Variants in EFL1 observed in about 807,000 individuals in gnomAD.
EFL1 encodes elongation factor-like GTPase 1.
In EFL1, 76 loss-of-function variants were observed where a neutral mutation model predicts 126.7. The ratio of observed to expected loss-of-function variants is 0.60; its 90% CI spans 0.50 to 0.73. The LOEUF (loss-of-function observed/expected upper bound fraction) is 0.73, where lower values mean the gene tolerates loss of function less well. Ranked by LOEUF, EFL1 falls within the 30% of genes least tolerant of loss-of-function variation. The probability of loss-of-function intolerance (pLI) is 0.00; values close to 1 mark genes in which losing one functional copy is unlikely to be tolerated. For synonymous variants in EFL1, 410 were observed against 448.4 expected (o/e 0.91, Z 1.08); for missense variants, 1,128 against 1,343.2 (o/e 0.84, Z 2.50).
chr15:82,148,611 T>C (rs1043784563), intron 18 of EFL1, among the ~76,000 whole-genome samples: 5 of 152,090 alleles, frequency 3.3e-5, no homozygotes, highest in South Asian at 4.1e-4. Flanking sequence ...GTGGAACAAG[T>C]TGAAGTGGGA....
At chr15:82,252,004 C>T (rs1250235595) in intron 4 of EFL1, among the ~76,000 whole-genome samples, 2 of 152,132 alleles carry the variant, frequency 1.3e-5, no homozygotes, top group South Asian at 2.1e-4. Flanking sequence ...ATTTTTATTA[C>T]CTAAACACAT....
intron 15 of EFL1, among the ~76,000 whole-genome samples, chr15:82,165,658 C>G (rs1435639115): frequency 6.6e-6 from 1 of 152,226 alleles, no homozygotes; most frequent in Non-Finnish European, 1.5e-5. Context: ...TTCCCCATCT[C>G]CACACATCGT....
intron 15 of EFL1, chr15:82,174,323 G>A (rs2074170699): frequency 6.6e-6 from 1 of 152,030 alleles, no homozygotes. Context: ...GGAGTGTACT[G>A]AATAAGCCTC....
At chr15:82,144,232 G>A (rs2073819113) in intron 18 of EFL1, among the ~76,000 whole-genome samples, 1 of 148,954 alleles carries the variant, frequency 6.7e-6, no homozygotes, top group Non-Finnish European at 1.5e-5. Flanking sequence ...CTCCAGCCTG[G>A]GTGACAGAGT....
intron 12 of EFL1, among the ~76,000 whole-genome samples, chr15:82,223,176 T>A (rs1443001666): frequency 2.0e-5 from 3 of 152,184 alleles, no homozygotes; most frequent in African/African-American, 7.2e-5. Context: ...TATTCCTGGC[T>A]TGTATGTCTA....
chr15:82,140,461 C>T (rs965324377), intron 18 of EFL1, among the ~76,000 whole-genome samples: 1 of 152,186 alleles, frequency 6.6e-6, no homozygotes, highest in East Asian at 1.9e-4. Flanking sequence ...GACCATCATT[C>T]TCTTTATTTC....
intron 4 of EFL1, among the ~76,000 whole-genome samples, chr15:82,246,554 AG>A (rs1332189985): frequency 6.7e-6 from 1 of 149,802 alleles, no homozygotes; most frequent in Admixed American, 6.6e-5. Flanking sequence ...GGCTGAAAGA[AG>A]GATTTATGTA....
intron 19 of EFL1, among the ~76,000 whole-genome samples, chr15:82,134,371 CT>C (rs376117198): frequency 0.019 from 2,750 of 147,030 alleles, 78 homozygotes; most frequent in African/African-American, 0.062. Flanking sequence ...GAAAAAGGTG[CT>C]TTTTTTTTTT....
At chr15:82,231,003 TAAC>T (rs757997465) in intron 7 of EFL1, 32 bp from the exon 8 acceptor site, 3 of 1,603,192 alleles carry the variant, frequency 1.9e-6, no homozygotes, top group African/African-American at 1.3e-5. Context: ...ATGTTATTAA[TAAC>T]AACGATTATT....
At chr15:82,210,610 C>T (rs2074573787) in intron 15 of EFL1, among the ~76,000 whole-genome samples, 1 of 151,724 alleles carries the variant, frequency 6.6e-6, no homozygotes, top group South Asian at 2.1e-4. Context: ...GCCTGTAATC[C>T]CAGCACTTTG....
chr15:82,244,214 C>T (rs1209459152), intron 4 of EFL1, among the ~76,000 whole-genome samples: 1 of 152,074 alleles, frequency 6.6e-6, no homozygotes, highest in South Asian at 2.1e-4. Context: ...AGAGAAAAAA[C>T]GTCCCCAAGC....
At chr15:82,235,398 CA>C (rs1426944662) in intron 7 of EFL1, among the ~76,000 whole-genome samples, 5 of 152,014 alleles carry the variant, frequency 3.3e-5, no homozygotes, top group African/African-American at 9.6e-5. Flanking sequence ...AGAAGATAAA[CA>C]AAAAACTGAC....
chr15:82,185,358 TTAAATAAAA>T (rs1000027458), intron 15 of EFL1, among the ~76,000 whole-genome samples: 1 of 152,030 alleles, frequency 6.6e-6, no homozygotes, highest in Admixed American at 6.6e-5. Flanking sequence ...TGTGTGACTA[TTAAATAAAA>T]TTAAAATGCA....
intron 19 of EFL1, among the ~76,000 whole-genome samples, chr15:82,137,390 C>G (rs2073733193): frequency 6.6e-6 from 1 of 152,180 alleles, no homozygotes; most frequent in Non-Finnish European, 1.5e-5. Context: ...CATGGATTAT[C>G]TGTGTGAAGC....
chr15:82,153,397 A>G (rs943266636), intron 17 of EFL1, among the ~76,000 whole-genome samples: 1 of 152,230 alleles, frequency 6.6e-6, no homozygotes, highest in African/African-American at 2.4e-5. Context: ...ATCTTACCTA[A>G]GAATTCAGAT....
chr15:82,211,595 G>GACTCACACACACACACACACACAC (rs2074590257), intron 15 of EFL1, among the ~76,000 whole-genome samples: 1 of 105,770 alleles, frequency 9.5e-6, no homozygotes, highest in African/African-American at 4.1e-5. Context: ...ACACATACTA[G>GACTCACACACACACACACACACAC]ACACACACAC....
chr15:82,219,673 A>G lies in EFL1; in HGVS notation c.1590T>C (p.Ser530=), dbSNP rs2074687482. The change falls in exon 14 of 20, where the codon AGT becomes AGC. Residue 530 remains serine (S), a synonymous_variant. Coordinates refer to ENST00000268206, the MANE Select transcript of EFL1 (RefSeq NM_024580.6). Reference sequence around the variant, plus strand: ...TTACCCTTCGTAAAAACTCAAGAGGACTGTATTTGGGCCCCAAGACAAAAA... The same window carrying G: ...TTACCCTTCGTAAAAACTCAAGAGGGCTGTATTTGGGCCCCAAGACAAAAA... ...KKIFVLGPKY[S]PLEFLRRVPL... is the part of the protein sequence containing the mutation. 6.2e-7 allele frequency: 1 copy of G among 1,612,512 alleles called. No individual in the cohort carries two copies. The highest frequency in any genetic ancestry group is 1.3e-5 in the African/African-American group (1 of 74,806).
At position 82,219,584 on chromosome 15, in the gene EFL1, CA is replaced by C. The variant is rs112023450; in HGVS notation, c.1611+67del. 3,822 of 1,504,134 alleles carry C rather than the reference CA, an allele frequency of 2.5e-3. 92 individuals carry two copies. In the African/African-American group the frequency reaches 0.048, roughly 19 times the overall value. The allele number at this position is 1,504,134 out of a possible 1,614,324, so 93.2% of individuals were successfully genotyped here. A position where few individuals can be genotyped will look rare whatever the true frequency, so the allele number is the denominator to read the frequency against. ...CTACCAACAAGATAATCACCAGTCC[CA>C]ACAAAATGTGAAAAGATATCAGACC... On this transcript the variant is annotated intron_variant, in intron 14 of 19. Coordinates refer to ENST00000268206, the MANE Select transcript of EFL1 (RefSeq NM_024580.6).
At chr15:82,171,069 C>A (rs1272520118) in intron 15 of EFL1, among the ~76,000 whole-genome samples, 1 of 152,166 alleles carries the variant, frequency 6.6e-6, no homozygotes, top group Non-Finnish European at 1.5e-5. Flanking sequence ...TACCTTTAAA[C>A]CCTAAATATT....
Sources: gnomAD v4.1 joint callset for allele counts (sites outside exome capture counted in the v4.1 genomes callset) on GRCh38, gnomAD v4.1.1 for gene constraint, MANE v1.5 for transcripts, NCBI Gene and HGNC (gene_info 2026-07-23, HGNC 2026-07-21) for gene names.